KATNAL1: variants seen among roughly 807,000 people sequenced by gnomAD.
KATNAL1 encodes katanin catalytic subunit A1 like 1.
Under a neutral mutation model 55.2 loss-of-function variants are expected in KATNAL1, and 32 were observed. That is an observed-to-expected ratio of 0.58 (90% CI 0.44 to 0.78). The LOEUF (loss-of-function observed/expected upper bound fraction) is 0.78. KATNAL1 is among the 30% of genes least tolerant of loss of function. The pLI is 0.00. For synonymous variants in KATNAL1, 193 were observed against 193.6 expected, an observed-to-expected ratio of 1.00 and a Z score of 0.02; for missense variants, 466 against 600.9, an observed-to-expected ratio of 0.78 and a Z score of 2.35.
intron 1 of KATNAL1, among the ~76,000 whole-genome samples, chr13:30,301,142 CGGATCTCCT>C (rs1476410917): frequency 6.6e-6 from 1 of 152,110 alleles, no homozygotes; most frequent in Non-Finnish European, 1.5e-5. Context: ...CCTAGACAGG[CGGATCTCCT>C]GAGGTCAGGA....
intron 4 of KATNAL1, among the ~76,000 whole-genome samples, chr13:30,245,189 C>T (rs1877664000): frequency 6.6e-6 from 1 of 152,148 alleles, no homozygotes; most frequent in Non-Finnish European, 1.5e-5. Flanking sequence ...AGCAGCACAT[C>T]AAAAAGCTTA....
intron 6 of KATNAL1, among the ~76,000 whole-genome samples, chr13:30,233,885 TAAGA>T (rs1307036762): frequency 1.3e-5 from 2 of 152,144 alleles, no homozygotes; most frequent in South Asian, 2.1e-4. Context: ...TTGTGGGAGC[TAAGA>T]AAGGATCTCA....
intron 1 of KATNAL1, chr13:30,296,298 G>GC (rs1234706186): frequency 6.6e-6 from 8 of 1,220,362 alleles, no homozygotes; most frequent in South Asian, 2.8e-5. Flanking sequence ...ACTTTTGTGT[G>GC]CCCCACGGAG....
At chr13:30,224,460 A>G (rs958647772) in intron 9 of KATNAL1, among the ~76,000 whole-genome samples, 2 of 151,872 alleles carry the variant, frequency 1.3e-5, no homozygotes, top group African/African-American at 4.8e-5. Flanking sequence ...GTTGATCCCA[A>G]AAGTTTGAGG....
intron 9 of KATNAL1, among the ~76,000 whole-genome samples, chr13:30,222,019 C>A (rs1398892203): frequency 1.3e-5 from 2 of 152,092 alleles, no homozygotes; most frequent in African/African-American, 4.8e-5. Context: ...CCATTGCCCT[C>A]CAGCCCGGGC....
chr13:30,269,950 C>T (rs1448066183), intron 3 of KATNAL1, among the ~76,000 whole-genome samples: 2 of 145,762 alleles, frequency 1.4e-5, no homozygotes, highest in Non-Finnish European at 3.0e-5. Context: ...GTGAGGGGCA[C>T]CTCTGCCCGG....
chr13:30,243,539 G>C (rs79581638), intron 4 of KATNAL1, among the ~76,000 whole-genome samples: 2,636 of 137,612 alleles, frequency 0.019, 72 homozygotes, highest in African/African-American at 0.07. Flanking sequence ...AAGGAAACTA[G>C]AGACATTTAA....
intron 3 of KATNAL1, among the ~76,000 whole-genome samples, chr13:30,262,549 C>T (rs773790285): frequency 0.021 from 3,248 of 152,230 alleles, 45 homozygotes; most frequent in Non-Finnish European, 0.033. Context: ...CACCACCGAT[C>T]CCACAGAAAT....
chr13:30,241,133 T>C, intron 4 of KATNAL1, 47 bp from the exon 5 acceptor site: 1 of 1,506,228 alleles, frequency 6.6e-7, no homozygotes, highest in Non-Finnish European at 9.1e-7. Flanking sequence ...ATGGATAATT[T>C]AGTTAACATC....
At chr13:30,214,914 T>C (rs1488576227) in intron 9 of KATNAL1, among the ~76,000 whole-genome samples, 1 of 151,488 alleles carries the variant, frequency 6.6e-6, no homozygotes, top group Admixed American at 6.6e-5. Context: ...AAAGACAAAA[T>C]TGACAAATGG....
intron 9 of KATNAL1, among the ~76,000 whole-genome samples, chr13:30,216,567 G>C (rs1874259320): frequency 6.6e-6 from 1 of 152,230 alleles, no homozygotes; most frequent in Admixed American, 6.5e-5. Context: ...TACCTCCACA[G>C]TTCCCTAATC....
chr13:30,227,552 C>A lies in KATNAL1; in HGVS notation c.1013-6G>T, dbSNP rs997078140. 2.5e-6 allele frequency: 4 copies of A among 1,612,070 alleles called. No individual in the cohort carries two copies. Among genetic ancestry groups the A allele is most frequent in the Non-Finnish European group, 3.4e-6 (4 of 1,178,766 alleles). On this transcript the variant is annotated splice_polypyrimidine_tract_variant and splice_region_variant and intron_variant, in intron 8 of 10. Coordinates refer to ENST00000380615, the MANE Select transcript of KATNAL1 (RefSeq NM_032116.5). ...TTCTAAAGCTCCTCCAACTCCTATACACAGTAAGGGAGGAAAAGATAGTGT... is the reference window on the plus strand; with the variant it reads ...TTCTAAAGCTCCTCCAACTCCTATAAACAGTAAGGGAGGAAAAGATAGTGT...
intron 1 of KATNAL1, among the ~76,000 whole-genome samples, chr13:30,298,661 A>G (rs1882678764): frequency 6.6e-6 from 1 of 152,206 alleles, no homozygotes; most frequent in Admixed American, 6.5e-5. Flanking sequence ...ATAATCAAAA[A>G]GAACTTCTGG....
At position 30,227,453 on chromosome 13, in the gene KATNAL1, C is replaced by T. The variant is rs929151300; in HGVS notation, c.1106G>A (p.Arg369Gln). 1.1e-5 allele frequency: 18 copies of T among 1,613,970 alleles called. No homozygotes were observed. The highest frequency in any genetic ancestry group is 1.4e-5 in the Non-Finnish European group (16 of 1,179,896). Residue 369 changes from arginine to glutamine, a missense_variant, in exon 9 of 11, where the codon CGA becomes CAA. Arg to Gln is a conservative substitution (Grantham distance 43). This residue lies in a region of KATNAL1 where 213 missense variants were observed against 308.6 expected (regional missense o/e 0.69). Transcript: ENST00000380615. ...NFPWDIDEAL[R>Q]RRLEKRIYIP... ...ATATATCCTTTTTTCTAACCTTCTT[C>T]GCAAAGCTTCATCAATGTCCCACGG...
rs1460538911 is a variant in KATNAL1 at position 30,202,788 on chromosome 13, C to T, written c.*5752G>A. Reference sequence around the variant, plus strand: ...TTTTTCTTTAAATTAGGTTCAAATACTGGGAGACAAACACTGAAACAAAAG... The same window carrying T: ...TTTTTCTTTAAATTAGGTTCAAATATTGGGAGACAAACACTGAAACAAAAG... On this transcript the variant is annotated 3_prime_UTR_variant, in exon 11 of 11. Coordinates refer to ENST00000380615, the MANE Select transcript of KATNAL1 (RefSeq NM_032116.5). The T allele has an allele frequency of 6.6e-6, 1 of 152,128 alleles. No individual in the cohort carries two copies. The highest frequency in any genetic ancestry group is 1.5e-5 in the Non-Finnish European group (1 of 68,024). The allele number at this position is 152,128 out of a possible 1,614,324, so 9.4% of individuals were successfully genotyped here. A position where few individuals can be genotyped will look rare whatever the true frequency, so the allele number is the denominator to read the frequency against.
intron 3 of KATNAL1, among the ~76,000 whole-genome samples, chr13:30,264,919 C>T (rs1254478883): frequency 3.5e-5 from 5 of 143,928 alleles, no homozygotes; most frequent in African/African-American, 7.7e-5. Context: ...AAGACACATG[C>T]ACATGTATGT....
intron 3 of KATNAL1, among the ~76,000 whole-genome samples, chr13:30,279,085 G>A (rs141049603): frequency 6.6e-6 from 1 of 152,144 alleles, no homozygotes; most frequent in Non-Finnish European, 1.5e-5. Flanking sequence ...AAAGGAAAAC[G>A]TATTTTCTAC....
At chr13:30,261,404 G>A (rs1655150359) in intron 3 of KATNAL1, among the ~76,000 whole-genome samples, 1 of 152,114 alleles carries the variant, frequency 6.6e-6, no homozygotes, top group Admixed American at 6.5e-5. Context: ...AAATGCTCCA[G>A]TTAAAAGACA....
chr13:30,219,838 G>A (rs1011727479), intron 9 of KATNAL1, among the ~76,000 whole-genome samples: 2 of 152,080 alleles, frequency 1.3e-5, no homozygotes, highest in Admixed American at 6.5e-5. Flanking sequence ...CCTCTTAGCC[G>A]TGTTTATTTT....
Sources: gnomAD v4.1 joint callset for allele counts (sites outside exome capture counted in the v4.1 genomes callset) on GRCh38, gnomAD v4.1.1 for gene constraint, gnomAD v4.1.1 regional missense constraint, MANE v1.5 for transcripts, NCBI Gene and HGNC (gene_info 2026-07-23, HGNC 2026-07-21) for gene names.